The following RTTN variants were observed in gnomAD, a reference collection of about 807,000 sequenced individuals.
RTTN encodes the protein rotatin.
Under a neutral mutation model 269.2 loss-of-function variants are expected in RTTN, and 182 were observed. The observed-to-expected ratio is 0.68, with a 90% CI of 0.60 to 0.76. The LOEUF (loss-of-function observed/expected upper bound fraction) is 0.76, where lower values mean the gene tolerates loss of function less well. Ranked by LOEUF, RTTN falls within the 30% of genes least tolerant of loss-of-function variation. The pLI, the probability that RTTN is intolerant of heterozygous loss-of-function variation, is 0.00. For synonymous variants in RTTN, 1,006 were observed against 963.5 expected, an observed-to-expected ratio of 1.04 and a Z score of -0.82; for missense variants, 2,545 against 2,608.6, an observed-to-expected ratio of 0.98 and a Z score of 0.53.
intron 7 of RTTN, among the ~76,000 whole-genome samples, chr18:70,195,031 C>T (rs2061770164): frequency 6.6e-6 from 1 of 152,162 alleles, no homozygotes; most frequent in South Asian, 2.1e-4. Context: ...AAAAAAAACT[C>T]TCCAAGAGCT....
intron 28 of RTTN, among the ~76,000 whole-genome samples, chr18:70,103,652 C>T (rs1479027979): frequency 6.6e-6 from 1 of 151,248 alleles, no homozygotes; most frequent in Non-Finnish European, 1.5e-5. Context: ...CTAGGAAAAC[C>T]AGAGACCTTT....
At position 70,020,824 on chromosome 18, in the gene RTTN, AAATAAC is replaced by A; in HGVS notation, c.5951-13_5951-8del. 6.2e-7 allele frequency: 1 copy of A among 1,606,954 alleles called. No homozygotes were observed. Among genetic ancestry groups the A allele is most frequent in the Non-Finnish European group, 8.5e-7 (1 of 1,176,028 alleles). ...CAACAAAGAGAACTGCAACCTTCAA[AAATAAC>A]AGCCTATCACAATGTCTTCTCAGTT... is the stretch of plus-strand genomic sequence containing the variant. On this transcript the variant is annotated splice_region_variant and splice_polypyrimidine_tract_variant and intron_variant, in intron 44 of 48. Coordinates refer to ENST00000640769, the MANE Select transcript of RTTN (RefSeq NM_173630.4).
chr18:70,020,476 C>A, intron 45 of RTTN, 139 bp downstream of exon 45: 1 of 830,170 alleles, frequency 1.2e-6, no homozygotes, highest in East Asian at 2.5e-5. Flanking sequence ...CAAAGTGAAC[C>A]TCTTAACCCT....
intron 26 of RTTN, among the ~76,000 whole-genome samples, chr18:70,115,973 A>T (rs772999630): frequency 1.3e-5 from 2 of 152,018 alleles, no homozygotes; most frequent in African/African-American, 4.8e-5. Context: ...TTTAACATCT[A>T]AATAGTTTTT....
intron 26 of RTTN, among the ~76,000 whole-genome samples, chr18:70,116,412 T>G (rs2059603902): frequency 6.6e-6 from 1 of 152,096 alleles, no homozygotes. Flanking sequence ...ACTTGAAGAT[T>G]ACTGAAGTTT....
At chr18:70,190,223 A>T (rs1020862331) in intron 9 of RTTN, among the ~76,000 whole-genome samples, 3 of 152,050 alleles carry the variant, frequency 2.0e-5, no homozygotes. Context: ...ACAGTCCAAA[A>T]AAAAAAGAAA....
intron 39 of RTTN, among the ~76,000 whole-genome samples, chr18:70,050,245 C>T (rs1304576679): frequency 2.0e-5 from 3 of 152,098 alleles, no homozygotes; most frequent in African/African-American, 7.2e-5. Flanking sequence ...CAAACAACCG[C>T]ATCAAAAAGT....
At chr18:70,164,285 T>C (rs1599858390) in intron 14 of RTTN, among the ~76,000 whole-genome samples, 1 of 76,984 alleles carries the variant, frequency 1.3e-5, no homozygotes. Flanking sequence ...TGATCACAGC[T>C]CTCTGTACCT....
At chr18:70,047,524 C>A (rs1773533461) in intron 40 of RTTN, among the ~76,000 whole-genome samples, 1 of 152,158 alleles carries the variant, frequency 6.6e-6, no homozygotes, top group Non-Finnish European at 1.5e-5. Context: ...ATGTGCCAGA[C>A]AAGTCCACTT....
At chr18:70,205,515 G>A (rs1036242106) in intron 1 of RTTN, 113 bp downstream of exon 1, 29 of 1,449,990 alleles carry the variant, frequency 2.0e-5, no homozygotes, top group Middle Eastern at 1.7e-4. Flanking sequence ...CAAAGCGGGG[G>A]TGAAAGAGGG....
intron 32 of RTTN, among the ~76,000 whole-genome samples, chr18:70,077,339 A>G (rs777254119): frequency 2.6e-5 from 4 of 151,916 alleles, no homozygotes; most frequent in Non-Finnish European, 5.9e-5. Context: ...AAAATAGAGA[A>G]GAGAATGTAA....
At chr18:70,110,112 T>C (rs1229876953) in intron 27 of RTTN, among the ~76,000 whole-genome samples, 1 of 151,788 alleles carries the variant, frequency 6.6e-6, no homozygotes, top group Non-Finnish European at 1.5e-5. Context: ...ACACCTATAG[T>C]CCCAGCTACT....
chr18:70,032,035 A>C (rs1296075057), intron 40 of RTTN, among the ~76,000 whole-genome samples: 1 of 152,194 alleles, frequency 6.6e-6, no homozygotes, highest in Non-Finnish European at 1.5e-5. Context: ...TGCTTAGGGA[A>C]GCAGTGGAAG....
At chr18:70,188,767 C>A (rs1458330768) in intron 9 of RTTN, among the ~76,000 whole-genome samples, 1 of 152,200 alleles carries the variant, frequency 6.6e-6, no homozygotes, top group Non-Finnish European at 1.5e-5. Flanking sequence ...CCCAAAGTCA[C>A]ACCCACCAGA....
intron 34 of RTTN, among the ~76,000 whole-genome samples, chr18:70,073,612 C>T (rs1047747745): frequency 2.6e-5 from 4 of 152,254 alleles, no homozygotes; most frequent in South Asian, 4.1e-4. Flanking sequence ...TGTAGCTATA[C>T]CGTAGCAAGA....
In RTTN at chr18:70,114,847, T is replaced by C. The variant is rs552220031; in HGVS notation, c.3529-248A>G. Among the ~76,000 whole-genome samples the C allele has an allele frequency of 3.3e-5, 5 of 152,136 alleles. No homozygotes were observed. The South Asian group carries it at 1.0e-3, about 32-fold the overall frequency. On this transcript the variant is annotated intron_variant, in intron 26 of 48. Coordinates refer to ENST00000640769, the MANE Select transcript of RTTN (RefSeq NM_173630.4). Reference sequence around the variant, plus strand: ...AGAAAAACAAAACCACACATAATCATGCCACACAGAAATTGCCACTATTAT... The same window carrying C: ...AGAAAAACAAAACCACACATAATCACGCCACACAGAAATTGCCACTATTAT...
chr18:70,197,841 G>T, intron 5 of RTTN, 103 bp from the exon 6 acceptor site: 1 of 725,246 alleles, frequency 1.4e-6, no homozygotes, highest in Non-Finnish European at 2.4e-6. Context: ...TTGGGTCTCA[G>T]CTGAGATATC....
intron 14 of RTTN, among the ~76,000 whole-genome samples, chr18:70,154,539 C>T (rs2060623617): frequency 6.6e-6 from 1 of 152,142 alleles, no homozygotes; most frequent in South Asian, 2.1e-4. Context: ...TGCCCTATAA[C>T]TGAGGACCCC....
At chr18:70,076,059 A>C (rs181815052) in intron 32 of RTTN, among the ~76,000 whole-genome samples, 1 of 152,186 alleles carries the variant, frequency 6.6e-6, no homozygotes, top group East Asian at 1.9e-4. Context: ...AGGAAAAAAA[A>C]CACACACATG....
Sources: gnomAD v4.1 joint callset for allele counts (sites outside exome capture counted in the v4.1 genomes callset) on GRCh38, gnomAD v4.1.1 for gene constraint, MANE v1.5 for transcripts, NCBI Gene and HGNC (gene_info 2026-07-23, HGNC 2026-07-21) for gene names.